MCTP1: variants seen among roughly 807,000 people sequenced by gnomAD.
MCTP1 encodes multiple C2 and transmembrane domain-containing protein 1.
Under a neutral mutation model 120.6 loss-of-function variants are expected in MCTP1, and 69 were observed. That is an observed-to-expected ratio of 0.57 (90% CI 0.47 to 0.70). The LOEUF (loss-of-function observed/expected upper bound fraction) is 0.70. Among genes scored for constraint, MCTP1 ranks in the 30% least tolerant of loss-of-function variants. MCTP1 has a pLI of 0.00. For missense variants in MCTP1, 1,203 were observed against 1,248.8 expected (o/e 0.96, Z 0.55); for synonymous variants, 529 against 493.1 (o/e 1.07, Z -0.96).
At chr5:94,870,023 T>TGTGG (rs1397636306) in intron 16 of MCTP1, among the ~76,000 whole-genome samples, 2 of 152,110 alleles carry the variant, frequency 1.3e-5, no homozygotes, top group African/African-American at 4.8e-5. Flanking sequence ...GCATCATACC[T>TGTGG]GTGGGTGGTC....
chr5:95,075,883 T>C (rs1753421949), intron 1 of MCTP1, among the ~76,000 whole-genome samples: 1 of 152,224 alleles, frequency 6.6e-6, no homozygotes, highest in Admixed American at 6.5e-5. Flanking sequence ...AATATTCATA[T>C]GCTGTGTTAT....
At chr5:94,913,554 C>A (rs1189328036) in intron 8 of MCTP1, among the ~76,000 whole-genome samples, 1 of 152,056 alleles carries the variant, frequency 6.6e-6, no homozygotes, top group East Asian at 1.9e-4. Flanking sequence ...AATCAATAAG[C>A]CCATCTAAGA....
intron 1 of MCTP1, among the ~76,000 whole-genome samples, chr5:95,042,050 T>A (rs1182104525): frequency 6.6e-6 from 1 of 152,166 alleles, no homozygotes; most frequent in African/African-American, 2.4e-5. Flanking sequence ...TTGGATCTTG[T>A]TTTCTCAAAC....
At chr5:94,934,472 A>G (rs1268553546) in intron 5 of MCTP1, among the ~76,000 whole-genome samples, 1 of 151,850 alleles carries the variant, frequency 6.6e-6, no homozygotes, top group African/African-American at 2.4e-5. Flanking sequence ...GCATAAAAAT[A>G]TGGCTTGTGA....
chr5:94,848,388 G>C (rs1250646683), intron 17 of MCTP1, among the ~76,000 whole-genome samples: 2 of 151,630 alleles, frequency 1.3e-5, no homozygotes, highest in Non-Finnish European at 2.9e-5. Flanking sequence ...TACAGCCTTG[G>C]GGGTCACCCT....
chr5:95,242,587 C>T (rs1756290848), intron 1 of MCTP1, among the ~76,000 whole-genome samples: 1 of 152,108 alleles, frequency 6.6e-6, no homozygotes, highest in Non-Finnish European at 1.5e-5. Flanking sequence ...TATTAAATGC[C>T]ATGAATAAAT....
intron 18 of MCTP1, chr5:94,788,752 A>G (rs943167609): frequency 1.3e-5 from 2 of 152,190 alleles, no homozygotes; most frequent in Non-Finnish European, 2.9e-5. Context: ...AGAAAGAACA[A>G]TCAGGAAATC....
At chr5:94,719,672 C>T (rs1022217743) in intron 19 of MCTP1, among the ~76,000 whole-genome samples, 9 of 151,888 alleles carry the variant, frequency 5.9e-5, no homozygotes, top group Admixed American at 1.3e-4. Flanking sequence ...AGGTGGTGTG[C>T]GGGGAGCAAT....
At chr5:95,025,624 C>G (rs892819583) in intron 1 of MCTP1, among the ~76,000 whole-genome samples, 2 of 152,116 alleles carry the variant, frequency 1.3e-5, no homozygotes, top group Non-Finnish European at 1.5e-5. Context: ...AGCAAGCCAC[C>G]ATTTTTGCAG....
At chr5:95,209,638 A>C (rs1752088648) in intron 1 of MCTP1, among the ~76,000 whole-genome samples, 1 of 152,140 alleles carries the variant, frequency 6.6e-6, no homozygotes, top group African/African-American at 2.4e-5. Flanking sequence ...ATGCTTCTGA[A>C]TATATCTGGG....
At chr5:95,219,943 C>A (rs951330381) in intron 1 of MCTP1, among the ~76,000 whole-genome samples, 1 of 152,116 alleles carries the variant, frequency 6.6e-6, no homozygotes, top group African/African-American at 2.4e-5. Context: ...CCTACAAATT[C>A]TTTTGGATGA....
intron 19 of MCTP1, among the ~76,000 whole-genome samples, chr5:94,753,125 C>T (rs1383155034): frequency 6.6e-6 from 1 of 152,188 alleles, no homozygotes; most frequent in Non-Finnish European, 1.5e-5. Flanking sequence ...CCAGTAGAAA[C>T]TTTGACCCCA....
chr5:95,012,958 G>A (rs1203817526), intron 2 of MCTP1, among the ~76,000 whole-genome samples: 1 of 152,160 alleles, frequency 6.6e-6, no homozygotes, highest in Non-Finnish European at 1.5e-5. Context: ...AGGAGAGACA[G>A]GCTGAAAGCT....
At chr5:95,228,123 T>C (rs1286982589) in intron 1 of MCTP1, among the ~76,000 whole-genome samples, 1 of 152,058 alleles carries the variant, frequency 6.6e-6, no homozygotes, top group Non-Finnish European at 1.5e-5. Flanking sequence ...AGGAATAAAA[T>C]GATGTTTGAG....
chr5:95,125,091 C>A (rs1758523247), intron 1 of MCTP1, among the ~76,000 whole-genome samples: 1 of 152,176 alleles, frequency 6.6e-6, no homozygotes, highest in Non-Finnish European at 1.5e-5. Flanking sequence ...TGATATTACA[C>A]ACACTAAGAA....
chr5:95,179,646 C>T lies in MCTP1; in HGVS notation c.720+104210G>A, dbSNP rs114101937. ...CAAATGCTGAGAGAATTCACCACTA[C>T]CAATCTGGCACTACAAGAACTGCTA... On this transcript the variant is annotated intron_variant, in intron 1 of 22. Coordinates refer to ENST00000515393, the MANE Select transcript of MCTP1 (RefSeq NM_024717.7). Among the ~76,000 whole-genome samples the T allele has an allele frequency of 9.3e-3, 1,423 of 152,262 alleles. 16 individuals are homozygous for T. The highest frequency in any genetic ancestry group is 0.014 in the Non-Finnish European group (952 of 68,020).
chr5:95,032,863 G>C (rs1020969763), intron 1 of MCTP1, among the ~76,000 whole-genome samples: 2 of 151,966 alleles, frequency 1.3e-5, no homozygotes, highest in Admixed American at 1.3e-4. Flanking sequence ...GAAAAAAAGA[G>C]AGAAGGTTCA....
At chr5:95,034,007 A>C (rs985158274) in intron 1 of MCTP1, among the ~76,000 whole-genome samples, 18 of 152,154 alleles carry the variant, frequency 1.2e-4, no homozygotes, top group South Asian at 4.1e-4. Context: ...CTAGGAATAC[A>C]TTTAACCAAA....
At chr5:94,749,213 C>T (rs921715646) in intron 19 of MCTP1, among the ~76,000 whole-genome samples, 3 of 152,088 alleles carry the variant, frequency 2.0e-5, no homozygotes, top group Non-Finnish European at 4.4e-5. Flanking sequence ...AAAGTATTTC[C>T]TTTGCACAGA....
Sources: gnomAD v4.1 joint callset for allele counts (sites outside exome capture counted in the v4.1 genomes callset) on GRCh38, gnomAD v4.1.1 for gene constraint, MANE v1.5 for transcripts, NCBI Gene and HGNC (gene_info 2026-07-23, HGNC 2026-07-21) for gene names.